Variants in P2RY14 observed in about 807,000 individuals in gnomAD.
P2RY14 encodes the protein P2Y purinoceptor 14.
In P2RY14, 2 loss-of-function variants were observed where a neutral mutation model predicts 0.9. That is an observed-to-expected ratio of 2.16 (90% confidence interval 0.88 to 6.79). The LOEUF is 6.79. P2RY14 is among the 30% of genes most tolerant of loss of function. The pLI, the probability that P2RY14 is intolerant of heterozygous loss-of-function variation, is 0.05. For synonymous variants in P2RY14, 158 were observed against 147.2 expected (o/e 1.07, Z -0.53); for missense variants, 378 against 400.1 (o/e 0.94, Z 0.47).
chr3:151,238,982 A>G (rs1414529113), intron 1 of P2RY14, among the ~76,000 whole-genome samples: 1 of 152,176 alleles, frequency 6.6e-6, no homozygotes, highest in South Asian at 2.1e-4. Context: ...ATGAACTGAG[A>G]GACAATTTTT....
intron 1 of P2RY14, among the ~76,000 whole-genome samples, chr3:151,241,117 T>A (rs1452558672): frequency 6.6e-6 from 1 of 152,156 alleles, no homozygotes; most frequent in Non-Finnish European, 1.5e-5. Context: ...AAGTCTTAGA[T>A]CTCACTATCA....
At chr3:151,270,349 G>A (rs1041353722) in intron 1 of P2RY14, among the ~76,000 whole-genome samples, 4 of 151,514 alleles carry the variant, frequency 2.6e-5, no homozygotes, top group African/African-American at 9.7e-5. Context: ...AATGGGAAAA[G>A]GATCTCTACC....
intron 1 of P2RY14, among the ~76,000 whole-genome samples, chr3:151,242,234 C>A (rs1482253453): frequency 6.6e-6 from 1 of 152,258 alleles, no homozygotes; most frequent in African/African-American, 2.4e-5. Flanking sequence ...ATTAGGTAAA[C>A]AAAGCAGCCG....
At chr3:151,225,225 G>C (rs1467252184) in intron 1 of P2RY14, among the ~76,000 whole-genome samples, 13 of 152,138 alleles carry the variant, frequency 8.5e-5, no homozygotes, top group African/African-American at 2.9e-4. Context: ...TTCTCTCTCT[G>C]TAATTGGCTA....
chr3:151,274,595 G>T (rs539876612), intron 1 of P2RY14, among the ~76,000 whole-genome samples: 4 of 152,328 alleles, frequency 2.6e-5, no homozygotes, highest in African/African-American at 9.6e-5. Flanking sequence ...ATCTGTACAT[G>T]CAGGGCTATC....
intron 2 of P2RY14, among the ~76,000 whole-genome samples, chr3:151,214,675 C>A (rs1384508532): frequency 4.0e-5 from 6 of 151,192 alleles, no homozygotes; most frequent in Non-Finnish European, 7.4e-5. Context: ...AGACAGGTGG[C>A]AGTAAAGAGA....
At chr3:151,264,814 CAG>C (rs1739530496) in intron 1 of P2RY14, among the ~76,000 whole-genome samples, 1 of 152,098 alleles carries the variant, frequency 6.6e-6, no homozygotes, top group South Asian at 2.1e-4. Context: ...AGAAAACATC[CAG>C]AGTTTGGTCA....
chr3:151,255,443 G>T (rs1326172314), intron 1 of P2RY14, among the ~76,000 whole-genome samples: 2 of 151,788 alleles, frequency 1.3e-5, no homozygotes, highest in Non-Finnish European at 2.9e-5. Context: ...AGCAGAAAAG[G>T]CCAGGGGGAG....
chr3:151,240,203 C>A (rs1733804000), intron 1 of P2RY14, among the ~76,000 whole-genome samples: 1 of 152,164 alleles, frequency 6.6e-6, no homozygotes, highest in African/African-American at 2.4e-5. Context: ...GTCAATGGGC[C>A]TGTGTCAATA....
chr3:151,274,935 A>AG (rs1741600210), intron 1 of P2RY14, among the ~76,000 whole-genome samples: 1 of 152,198 alleles, frequency 6.6e-6, no homozygotes, highest in Admixed American at 6.5e-5. Context: ...TAGAGTGAGA[A>AG]GGGGATTTCA....
chr3:151,222,676 C>G (rs1251872924), intron 1 of P2RY14, among the ~76,000 whole-genome samples: 3 of 152,184 alleles, frequency 2.0e-5, no homozygotes, highest in Non-Finnish European at 4.4e-5. Flanking sequence ...GTAAATTGCC[C>G]ATTCTCAAAT....
chr3:151,219,651 C>T lies in P2RY14; in HGVS notation c.-132-9G>A, dbSNP rs1227839128. 1 of 152,120 alleles carries T rather than the reference C, an allele frequency of 6.6e-6. No homozygotes were observed. 9.4% of individuals were successfully genotyped at this position (152,120 alleles called of 1,614,324 possible). Reference sequence around the variant, plus strand: ...TTTTTTCATTAAAGATCCTGCATTACACAAAACAAAAAACCAAAGATTTAA... The same window carrying T: ...TTTTTTCATTAAAGATCCTGCATTATACAAAACAAAAAACCAAAGATTTAA... On this transcript the variant is annotated splice_polypyrimidine_tract_variant and intron_variant, in intron 1 of 2. Coordinates refer to ENST00000309170, the MANE Select transcript of P2RY14 (RefSeq NM_014879.4).
intron 1 of P2RY14, among the ~76,000 whole-genome samples, chr3:151,264,167 C>A (rs1042382141): frequency 6.6e-6 from 1 of 152,200 alleles, no homozygotes; most frequent in Admixed American, 6.5e-5. Context: ...GATCTCTGTA[C>A]TTGTATTTCC....
Position 151,221,602 on chromosome 3 carries a change from G to T in P2RY14, c.-132-1960C>A, listed in dbSNP as rs1344328027. Reference sequence around the variant, plus strand: ...AGAGCTCAGGTCATGGCTTCAGAGGGTGCAAGCCTCAAGCCTTGGCAGCTT... The same window carrying T: ...AGAGCTCAGGTCATGGCTTCAGAGGTTGCAAGCCTCAAGCCTTGGCAGCTT... On this transcript the variant is annotated intron_variant, in intron 1 of 2. Transcript: ENST00000309170. 3.3e-5 allele frequency among the ~76,000 whole-genome samples: 5 copies of T among 152,178 alleles called. No individual in the cohort carries two copies. In the East Asian group the frequency reaches 9.7e-4, roughly 29 times the overall value.
rs1727519027 is a variant in P2RY14 at position 151,213,407 on chromosome 3, C to T, written c.910G>A (p.Glu304Lys). The change falls in exon 3 of 3, where the codon GAA becomes AAA. Residue 304 changes from glutamate to lysine, a missense_variant. Coordinates refer to ENST00000309170, the MANE Select transcript of P2RY14 (RefSeq NM_014879.4). Reference protein sequence around the residue: ...IYFFLCQPFREILCKKLHIPL... With the variant: ...IYFFLCQPFRKILCKKLHIPL... Reference sequence around the variant, plus strand: ...ATGTGCAATTTCTTACATAAGATTTCCCTAAACGGCTGGCATAGAAAGAAA... The same window carrying T: ...ATGTGCAATTTCTTACATAAGATTTTCCTAAACGGCTGGCATAGAAAGAAA... The T allele has an allele frequency of 6.2e-7, 1 of 1,613,930 alleles. No individual in the cohort carries two copies. The highest frequency in any genetic ancestry group is 1.7e-5 in the Admixed American group (1 of 60,000).
intron 1 of P2RY14, among the ~76,000 whole-genome samples, chr3:151,237,650 C>T (rs543621439): frequency 3.3e-5 from 5 of 152,204 alleles, no homozygotes; most frequent in Admixed American, 2.6e-4. Context: ...TGCGCCCAGC[C>T]GCCAAACTGT....
intron 1 of P2RY14, among the ~76,000 whole-genome samples, chr3:151,226,680 A>G (rs1730552794): frequency 6.6e-6 from 1 of 151,406 alleles, no homozygotes; most frequent in Admixed American, 6.6e-5. Flanking sequence ...TTTGTTTTTG[A>G]TCTGAGTTTT....
In P2RY14 at chr3:151,225,686, G is replaced by C. The variant is rs528163770; in HGVS notation, c.-132-6044C>G. On this transcript the variant is annotated intron_variant, in intron 1 of 2. Transcript: ENST00000309170. ...CCTGTGGCACTCTTGTCCGTGCCCTGTCTAGGCTCAGTCAAGGAGAATCTC... is the reference window on the plus strand; with the variant it reads ...CCTGTGGCACTCTTGTCCGTGCCCTCTCTAGGCTCAGTCAAGGAGAATCTC... Among the ~76,000 whole-genome samples, 13 of 152,212 alleles carry C rather than the reference G, an allele frequency of 8.5e-5. 1 individual carries two copies. In the South Asian group the frequency reaches 1.9e-3, roughly 22 times the overall value.
chr3:151,269,920 T>C, intron 1 of P2RY14: 1 of 449,840 alleles, frequency 2.2e-6, no homozygotes, highest in Non-Finnish European at 4.4e-6. Flanking sequence ...ATGCAGGTGT[T>C]GTTGAGTTGG....
Sources: gnomAD v4.1 joint callset for allele counts (sites outside exome capture counted in the v4.1 genomes callset) on GRCh38, gnomAD v4.1.1 for gene constraint, MANE v1.5 for transcripts, NCBI Gene and HGNC (gene_info 2026-07-23, HGNC 2026-07-21) for gene names.